PALS1: variants seen among roughly 807,000 people sequenced by gnomAD.
The protein encoded by PALS1 is protein PALS1.
PALS1 carries 31 observed loss-of-function variants against 78.9 expected under a neutral mutation model. The ratio of observed to expected loss-of-function variants is 0.39; its 90% CI spans 0.30 to 0.53. PALS1 has a LOEUF of 0.53. Ranked by LOEUF, PALS1 falls within the 20% of genes least tolerant of loss-of-function variation. The pLI is 0.67. For synonymous variants in PALS1, 276 were observed against 270.9 expected (o/e 1.02, Z -0.18); for missense variants, 704 against 826.5 (o/e 0.85, Z 1.82).
chr14:67,301,705 G>C (rs1242954218), intron 5 of PALS1, among the ~76,000 whole-genome samples: 1 of 151,898 alleles, frequency 6.6e-6, no homozygotes, highest in Non-Finnish European at 1.5e-5. Context: ...TCCCCCCTTT[G>C]GTTGTATTTT....
chr14:67,328,590 C>T (rs2085395820), intron 14 of PALS1, among the ~76,000 whole-genome samples: 1 of 152,152 alleles, frequency 6.6e-6, no homozygotes, highest in Non-Finnish European at 1.5e-5. Flanking sequence ...AGGTTTTCTT[C>T]TAGGGTTTTT....
intron 3 of PALS1, among the ~76,000 whole-genome samples, chr14:67,280,858 TCCCTCCCTCCC>T (rs2084597892): frequency 7.6e-5 from 9 of 118,106 alleles, no homozygotes; most frequent in Non-Finnish European, 1.2e-4. Context: ...CTTCCTTCCC[TCCCTCCCTCCC>T]TCCCTCCCTC....
intron 10 of PALS1, 38 bp downstream of exon 10, chr14:67,316,941 T>C (rs1481709453): frequency 6.6e-7 from 1 of 1,524,654 alleles, no homozygotes; most frequent in South Asian, 1.2e-5. Flanking sequence ...AATGGTTTCT[T>C]GGGTCTTCAT....
At chr14:67,319,903 C>T (rs943714949) in intron 11 of PALS1, among the ~76,000 whole-genome samples, 7 of 152,142 alleles carry the variant, frequency 4.6e-5, no homozygotes, top group Admixed American at 3.3e-4. Flanking sequence ...TCAAAAATGA[C>T]GGATATTACT....
At chr14:67,267,988 G>A (rs2084355439) in intron 1 of PALS1, among the ~76,000 whole-genome samples, 1 of 152,116 alleles carries the variant, frequency 6.6e-6, no homozygotes. Flanking sequence ...CCAGCTGAAG[G>A]ATAGTGTGTG....
chr14:67,301,511 C>T (rs753645820), intron 5 of PALS1, 45 bp downstream of exon 5: 11 of 1,418,474 alleles, frequency 7.8e-6, no homozygotes, highest in Non-Finnish European at 1.1e-5. Flanking sequence ...TTCCAGCATT[C>T]TTCTATTTTT....
rs1595614212 is a variant in PALS1 at position 67,320,135 on chromosome 14, C to A, written c.1370-95C>A. The A allele has an allele frequency of 4.3e-6, 5 of 1,160,582 alleles. No homozygotes were observed. The East Asian group carries it at 7.9e-5, about 18-fold the overall frequency. 71.9% of individuals were successfully genotyped at this position (1,160,582 alleles called of 1,614,324 possible). On this transcript the variant is annotated intron_variant, in intron 11 of 14. Coordinates refer to ENST00000261681, the MANE Select transcript of PALS1 (RefSeq NM_022474.4). ...AAGGATGTAATGACAATAAATTGTG[C>A]TTTTGTCTAATTTTGGGTGAAGATC... is the stretch of plus-strand genomic sequence containing the variant.
At chr14:67,313,526 C>T (rs572962600) in intron 9 of PALS1, among the ~76,000 whole-genome samples, 1 of 152,226 alleles carries the variant, frequency 6.6e-6, no homozygotes, top group South Asian at 2.1e-4. Context: ...ATGGCTCTTA[C>T]AGTTCCCAGG....
At chr14:67,280,650 C>G (rs1185218433) in intron 3 of PALS1, among the ~76,000 whole-genome samples, 1 of 152,148 alleles carries the variant, frequency 6.6e-6, no homozygotes, top group East Asian at 1.9e-4. Flanking sequence ...TGAATGGAAA[C>G]CGGTATCCAG....
chr14:67,305,650 A>AT (rs574438683), intron 8 of PALS1, among the ~76,000 whole-genome samples: 131 of 152,288 alleles, frequency 8.6e-4, no homozygotes, highest in Non-Finnish European at 6.9e-4. Context: ...AAGAAAAGCC[A>AT]TTTTTTTCAT....
At chr14:67,254,054 T>C (rs537444309) in intron 1 of PALS1, 1 of 141,290 alleles carries the variant, frequency 7.1e-6, no homozygotes, top group Non-Finnish European at 1.5e-5. Flanking sequence ...TTTCTTAGGA[T>C]GCTCTTCTTC....
At position 67,308,235 on chromosome 14, in the gene PALS1, A is replaced by T. The variant is rs547627069; in HGVS notation, c.1042-4292A>T. Among the ~76,000 whole-genome samples, 6 of 91,872 alleles carry T rather than the reference A, an allele frequency of 6.5e-5. No individual in the cohort carries two copies. The East Asian group carries it at 3.1e-3, about 47-fold the overall frequency. 60.3% of individuals were successfully genotyped at this position (91,872 alleles called of 152,430 possible). A position where few individuals can be genotyped will look rare whatever the true frequency, so the allele number is the denominator to read the frequency against. Reference sequence around the variant, plus strand: ...GTTGGATCCCTGAACTTAACAGTTTAAAAAAAAAAAAAGTCAGTGTAAAAA... The same window carrying T: ...GTTGGATCCCTGAACTTAACAGTTTTAAAAAAAAAAAAGTCAGTGTAAAAA... On this transcript the variant is annotated intron_variant, in intron 8 of 14. Coordinates refer to ENST00000261681, the MANE Select transcript of PALS1 (RefSeq NM_022474.4).
At chr14:67,270,198 CTTG>C (rs2084387669) in intron 2 of PALS1, 1 of 152,178 alleles carries the variant, frequency 6.6e-6, no homozygotes. Flanking sequence ...ATCATTTGCA[CTTG>C]TTGTGAAGCT....
At chr14:67,278,071 C>G (rs2084534974) in intron 2 of PALS1, among the ~76,000 whole-genome samples, 1 of 148,122 alleles carries the variant, frequency 6.8e-6, no homozygotes, top group African/African-American at 2.5e-5. Context: ...GAGTCTCGCT[C>G]TGTCACCCAG....
At chr14:67,302,297 T>C in intron 6 of PALS1, 113 bp from the exon 7 acceptor site, 1 of 1,080,962 alleles carries the variant, frequency 9.3e-7, no homozygotes, top group Non-Finnish European at 1.2e-6. Flanking sequence ...AAATTTTTTC[T>C]TAAGATAACT....
intron 14 of PALS1, among the ~76,000 whole-genome samples, chr14:67,325,419 C>T (rs2085337563): frequency 6.6e-6 from 1 of 152,108 alleles, no homozygotes; most frequent in Non-Finnish European, 1.5e-5. Flanking sequence ...GTGCTGCACC[C>T]CTTTTTCATT....
intron 3 of PALS1, among the ~76,000 whole-genome samples, chr14:67,288,964 C>CTTT (rs36044460): frequency 9.3e-6 from 1 of 107,076 alleles, no homozygotes; most frequent in Non-Finnish European, 2.0e-5. Flanking sequence ...TCTTTATTTC[C>CTTT]TTTTTTTTTT....
chr14:67,283,144 A>G (rs2140720474), intron 3 of PALS1, among the ~76,000 whole-genome samples: 1 of 152,288 alleles, frequency 6.6e-6, no homozygotes, highest in East Asian at 1.9e-4. Context: ...TCTATGAGAT[A>G]CTATTAGTGT....
intron 8 of PALS1, among the ~76,000 whole-genome samples, chr14:67,311,512 T>G (rs962726341): frequency 6.6e-6 from 1 of 152,162 alleles, no homozygotes; most frequent in Non-Finnish European, 1.5e-5. Context: ...ATGAAGTAGA[T>G]TTCTTATAGA....
Sources: allele counts gnomAD v4.1 joint callset (sites outside exome capture counted in the v4.1 genomes callset), GRCh38; gene constraint gnomAD v4.1.1; transcripts MANE v1.5; gene names NCBI Gene and HGNC (gene_info 2026-07-23, HGNC 2026-07-21).